SOHLH2: variants seen among roughly 807,000 people sequenced by gnomAD.
SOHLH2 encodes spermatogenesis and oogenesis specific basic helix-loop-helix 2, also known as spermatogenesis- and oogenesis-specific basic helix-loop-helix-containing protein 2.
In SOHLH2, 22 loss-of-function variants were observed where a neutral mutation model predicts 50.4. That is an observed-to-expected ratio of 0.44 (90% CI 0.31 to 0.62). The LOEUF is 0.62. Among genes scored for constraint, SOHLH2 ranks in the 20% least tolerant of loss-of-function variants. The pLI, the probability that SOHLH2 is intolerant of heterozygous loss-of-function variation, is 0.08. For missense variants in SOHLH2, 412 were observed against 504.4 expected (o/e 0.82, Z 1.76); for synonymous variants, 185 against 187.3 (o/e 0.99, Z 0.10).
chr13:36,197,263 G>A (rs558041664), intron 2 of SOHLH2, among the ~76,000 whole-genome samples: 2 of 152,268 alleles, frequency 1.3e-5, no homozygotes, highest in East Asian at 3.9e-4. Flanking sequence ...TCACTTTTGA[G>A]ATTGGATACT....
chr13:36,185,626 T>C (rs1887396597), intron 6 of SOHLH2, among the ~76,000 whole-genome samples: 1 of 152,094 alleles, frequency 6.6e-6, no homozygotes, highest in Non-Finnish European at 1.5e-5. Context: ...CTTTTTTTGC[T>C]AGACTGATCA....
At chr13:36,198,464 T>C (rs1397868255) in intron 2 of SOHLH2, among the ~76,000 whole-genome samples, 1 of 152,200 alleles carries the variant, frequency 6.6e-6, no homozygotes, top group Non-Finnish European at 1.5e-5. Flanking sequence ...TAAGATTATC[T>C]TAAAATATGT....
At position 36,173,707 on chromosome 13, in the gene SOHLH2, C is replaced by T. The variant is rs772136308; in HGVS notation, c.985G>A (p.Asp329Asn). Residue 329 changes from aspartate (D) to asparagine (N), a missense_variant, in exon 9 of 11, where the codon GAT becomes AAT. Asp to Asn is a conservative substitution (Grantham distance 23). Coordinates refer to ENST00000379881, the MANE Select transcript of SOHLH2 (RefSeq NM_017826.3). ...AGAAGCTCACCTCTCACAGCTTCAT[C>T]CAAGGAGCTCTCTGCATCAGGAGTG... ...CSTPDAESSL[D>N]EAVRVPSSSA... The T allele has an allele frequency of 6.8e-6, 11 of 1,613,050 alleles. No homozygotes were observed. The highest frequency in any genetic ancestry group is 1.3e-5 in the African/African-American group (1 of 74,906).
At chr13:36,185,058 G>A (rs1481948652) in intron 6 of SOHLH2, among the ~76,000 whole-genome samples, 1 of 152,152 alleles carries the variant, frequency 6.6e-6, no homozygotes, top group Non-Finnish European at 1.5e-5. Context: ...TGCTGAGAAT[G>A]CTGGTTTCCA....
intron 1 of SOHLH2, among the ~76,000 whole-genome samples, chr13:36,211,053 C>T (rs1040159703): frequency 6.6e-6 from 1 of 152,134 alleles, no homozygotes; most frequent in African/African-American, 2.4e-5. Flanking sequence ...AACAATGAAA[C>T]AGTCATTAAC....
chr13:36,184,460 C>CTTTTTTT lies in SOHLH2; in HGVS notation c.641+5479_641+5485dup, dbSNP rs1229884029. 6.5e-4 allele frequency among the ~76,000 whole-genome samples: 79 copies of CTTTTTTT among 121,136 alleles called. 5 individuals are homozygous for CTTTTTTT. The highest frequency in any genetic ancestry group is 1.4e-3 in the African/African-American group (44 of 32,342). 79.5% of individuals were successfully genotyped at this position (121,136 alleles called of 152,430 possible). A position where few individuals can be genotyped will look rare whatever the true frequency, so the allele number is the denominator to read the frequency against. ...GATGGAAGTTTCTACCTACAAAGAC[C>CTTTTTTT]TTTTTTTTTTTTTTTTTTTGAGACG... On this transcript the variant is annotated intron_variant, in intron 6 of 10. Coordinates refer to ENST00000379881, the MANE Select transcript of SOHLH2 (RefSeq NM_017826.3).
Position 36,173,723 on chromosome 13 carries a change from A to T in SOHLH2, c.969T>A (p.Asp323Glu), listed in dbSNP as rs760880934. ...NTCWNGCSTPDAESSLDEAVR... is the reference protein window; with the variant it reads ...NTCWNGCSTPEAESSLDEAVR... ...CAGCTTCATCCAAGGAGCTCTCTGC[A>T]TCAGGAGTGGAGCACCCATTCCAGC... The change falls in exon 9 of 11, where the codon GAT becomes GAA. Residue 323 changes from aspartate (D) to glutamate (E), a missense_variant. Asp to Glu is a conservative substitution (Grantham distance 45). Coordinates refer to ENST00000379881, the MANE Select transcript of SOHLH2 (RefSeq NM_017826.3). The T allele has an allele frequency of 7.4e-6, 12 of 1,613,444 alleles. No homozygotes were observed. Among genetic ancestry groups the T allele is most frequent in the Middle Eastern group, 1.8e-4 (1 of 5,622 alleles).
chr13:36,172,502 T>C (rs1038149433), intron 9 of SOHLH2, among the ~76,000 whole-genome samples: 1 of 152,210 alleles, frequency 6.6e-6, no homozygotes, highest in Non-Finnish European at 1.5e-5. Flanking sequence ...CTTTTGACTT[T>C]AGACACTATG....
At chr13:36,192,679 G>A (rs1003355671) in intron 4 of SOHLH2, among the ~76,000 whole-genome samples, 2 of 152,106 alleles carry the variant, frequency 1.3e-5, no homozygotes, top group East Asian at 3.8e-4. Flanking sequence ...CATATTTAAG[G>A]TGTACAACTT....
At chr13:36,171,958 A>G (rs1886970218) in intron 9 of SOHLH2, among the ~76,000 whole-genome samples, 1 of 152,238 alleles carries the variant, frequency 6.6e-6, no homozygotes, top group Non-Finnish European at 1.5e-5. Flanking sequence ...AAGGAAATAC[A>G]TTAAAAAATG....
chr13:36,190,132 C>G, intron 5 of SOHLH2, 76 bp from the exon 6 acceptor site: 1 of 1,343,566 alleles, frequency 7.4e-7, no homozygotes, highest in Non-Finnish European at 1.0e-6. Context: ...CGCACCAATA[C>G]ACTAAACAAA....
At chr13:36,184,061 T>G (rs1887332186) in intron 6 of SOHLH2, among the ~76,000 whole-genome samples, 3 of 152,210 alleles carry the variant, frequency 2.0e-5, no homozygotes, top group Admixed American at 2.0e-4. Context: ...GAATACAGTC[T>G]TTTCAAATGC....
At chr13:36,208,056 A>G (rs553097009) in intron 1 of SOHLH2, among the ~76,000 whole-genome samples, 28 of 152,332 alleles carry the variant, frequency 1.8e-4, no homozygotes, top group African/African-American at 6.7e-4. Flanking sequence ...GGACTAAAGT[A>G]CCACCTCTTG....
Position 36,168,646 on chromosome 13 carries a change from G to T in SOHLH2, c.*388C>A. The T allele has an allele frequency of 4.4e-6, 1 of 227,650 alleles. No individual in the cohort carries two copies. Among genetic ancestry groups the T allele is most frequent in the African/African-American group, 2.2e-5 (1 of 44,642 alleles). The allele number at this position is 227,650 out of a possible 1,614,324, so 14.1% of individuals were successfully genotyped here. ...TCAAGTTGTAATATCTGTACTCAGT[G>T]ACACAAGGTATCAACACACCTTCCC... On this transcript the variant is annotated 3_prime_UTR_variant, in exon 11 of 11. Transcript: ENST00000379881.
At position 36,169,002 on chromosome 13, in the gene SOHLH2, T is replaced by C; in HGVS notation, c.*32A>G. 1 of 1,601,748 alleles carries C rather than the reference T, an allele frequency of 6.2e-7. No homozygotes were observed. The highest frequency in any genetic ancestry group is 8.5e-7 in the Non-Finnish European group (1 of 1,176,180). ...AGATTGTCAAACTGCGCCCAGTAGG[T>C]GGTTGAGAGTGTGAATTTCAAACAT... On this transcript the variant is annotated 3_prime_UTR_variant, in exon 11 of 11. Coordinates refer to ENST00000379881, the MANE Select transcript of SOHLH2 (RefSeq NM_017826.3).
intron 5 of SOHLH2, 121 bp downstream of exon 5, chr13:36,191,674 C>A: frequency 9.0e-7 from 1 of 1,111,260 alleles, no homozygotes; most frequent in South Asian, 1.5e-5. Context: ...GTAATGTGTA[C>A]CCACAGTGCC....
intron 9 of SOHLH2, among the ~76,000 whole-genome samples, chr13:36,171,195 T>A (rs1886953925): frequency 6.6e-6 from 1 of 152,190 alleles, no homozygotes; most frequent in Non-Finnish European, 1.5e-5. Context: ...GAATATATAA[T>A]ATTAACAATG....
At chr13:36,192,620 CT>C (rs1172143869) in intron 4 of SOHLH2, among the ~76,000 whole-genome samples, 1 of 152,092 alleles carries the variant, frequency 6.6e-6, no homozygotes, top group Non-Finnish European at 1.5e-5. Flanking sequence ...AAAAAATCAT[CT>C]TAATTTTGCC....
At chr13:36,213,807 G>A (rs1869264962) in intron 1 of SOHLH2, among the ~76,000 whole-genome samples, 1 of 152,070 alleles carries the variant, frequency 6.6e-6, no homozygotes, top group Admixed American at 6.6e-5. Context: ...GGACACTTTG[G>A]GATGCCACGC....
Sources: allele counts gnomAD v4.1 joint callset (sites outside exome capture counted in the v4.1 genomes callset), GRCh38; gene constraint gnomAD v4.1.1; transcripts MANE v1.5; gene names NCBI Gene and HGNC (gene_info 2026-07-23, HGNC 2026-07-21).